BLK: variants seen among roughly 807,000 people sequenced by gnomAD.
BLK encodes the protein tyrosine-protein kinase Blk.
A neutral mutation model predicts 61.8 loss-of-function variants in BLK; 64 were observed. That is an observed-to-expected ratio of 1.03 (90% CI 0.85 to 1.27). The LOEUF (loss-of-function observed/expected upper bound fraction) is 1.27. Among genes scored for constraint, BLK ranks in the 50% most tolerant of loss-of-function variants. The pLI is 0.00. For synonymous variants in BLK, 351 were observed against 272.0 expected (o/e 1.29, Z -2.86); for missense variants, 853 against 660.5 (o/e 1.29, Z -3.19).
chr8:11,535,324 G>GA (rs1554448025), intron 1 of BLK, among the ~76,000 whole-genome samples: 1 of 113,252 alleles, frequency 8.8e-6, no homozygotes, highest in Non-Finnish European at 2.0e-5. Flanking sequence ...AAGAAAGAAA[G>GA]AGAAGGAAAA....
chr8:11,498,381 A>G (rs1435628374), intron 1 of BLK, among the ~76,000 whole-genome samples: 2 of 152,196 alleles, frequency 1.3e-5, no homozygotes, highest in Non-Finnish European at 2.9e-5. Flanking sequence ...GAGCTCCGTG[A>G]ACTTGTAAAC....
Position 11,553,065 on chromosome 8 carries a change from A to G in BLK, c.473-1678A>G, listed in dbSNP as rs993389925. On this transcript the variant is annotated intron_variant, in intron 6 of 12. Coordinates refer to ENST00000259089, the MANE Select transcript of BLK (RefSeq NM_001715.3). ...ACATGTGCACATATGCACAGATGCA[A>G]TGAACACGTGTGCAACACATGTACA... The G allele has an allele frequency of 2.3e-5, 4 of 171,016 alleles. No homozygotes were observed. In the East Asian group the frequency reaches 6.6e-4, roughly 28 times the overall value. 10.6% of individuals were successfully genotyped at this position (171,016 alleles called of 1,614,324 possible).
Position 11,517,776 on chromosome 8 carries a change from A to T in BLK, c.-2+23185A>T, listed in dbSNP as rs1391859708. 2.0e-5 allele frequency among the ~76,000 whole-genome samples: 3 copies of T among 152,222 alleles called. No homozygotes were observed. In the East Asian group the frequency reaches 5.8e-4, roughly 29 times the overall value. ...GCACCTGAGGCAGCACCCATGGTGC[A>T]GCCCTGGTGCTGCAGGCCAAGCTCT... On this transcript the variant is annotated intron_variant, in intron 1 of 12. Coordinates refer to ENST00000259089, the MANE Select transcript of BLK (RefSeq NM_001715.3).
At chr8:11,518,834 G>A (rs151089235) in intron 1 of BLK, among the ~76,000 whole-genome samples, 1 of 152,134 alleles carries the variant, frequency 6.6e-6, no homozygotes, top group Non-Finnish European at 1.5e-5. Flanking sequence ...TCTGCTCTGG[G>A]AATCTGCCAA....
chr8:11,561,799 C>G (rs1801515148), intron 11 of BLK, among the ~76,000 whole-genome samples: 1 of 151,826 alleles, frequency 6.6e-6, no homozygotes. Flanking sequence ...CCTAGTGCCT[C>G]CCAAACTAAT....
At chr8:11,509,613 C>G (rs1019041881) in intron 1 of BLK, 1 of 152,134 alleles carries the variant, frequency 6.6e-6, no homozygotes, top group African/African-American at 2.4e-5. Context: ...TGTGGCGACC[C>G]GGCTGCCTTT....
chr8:11,543,118 C>T lies in BLK; in HGVS notation c.-1-106C>T, dbSNP rs878905888. Reference sequence around the variant, plus strand: ...AGGTCTTTGCTGCACCCACTTCCACCCCACCTTTCTAACCAGCCTCCCGGA... The same window carrying T: ...AGGTCTTTGCTGCACCCACTTCCACTCCACCTTTCTAACCAGCCTCCCGGA... On this transcript the variant is annotated intron_variant, in intron 1 of 12. Coordinates refer to ENST00000259089, the MANE Select transcript of BLK (RefSeq NM_001715.3). 45 of 1,574,066 alleles carry T rather than the reference C, an allele frequency of 2.9e-5. No homozygotes were observed. The African/African-American group carries it at 4.0e-4, about 14-fold the overall frequency.
intron 1 of BLK, among the ~76,000 whole-genome samples, chr8:11,537,847 C>G (rs1800200270): frequency 6.6e-6 from 1 of 152,168 alleles, no homozygotes; most frequent in Admixed American, 6.5e-5. Context: ...TCCACCACAC[C>G]CCTTGTTTGA....
intron 1 of BLK, among the ~76,000 whole-genome samples, chr8:11,534,775 G>A (rs975219904): frequency 1.3e-5 from 2 of 152,166 alleles, no homozygotes; most frequent in African/African-American, 4.8e-5. Flanking sequence ...GGGGCCACAC[G>A]TGCCCAAGGC....
chr8:11,559,585 CTTCTT>C (rs1801392878), intron 10 of BLK, among the ~76,000 whole-genome samples: 1 of 152,120 alleles, frequency 6.6e-6, no homozygotes, highest in Non-Finnish European at 1.5e-5. Context: ...CTTCTGGGCT[CTTCTT>C]TTCTTACTCC....
At chr8:11,523,228 A>G (rs1799521757) in intron 1 of BLK, among the ~76,000 whole-genome samples, 1 of 152,244 alleles carries the variant, frequency 6.6e-6, no homozygotes, top group Admixed American at 6.5e-5. Context: ...CTTTTACTGC[A>G]TAATACATAC....
intron 10 of BLK, chr8:11,560,479 T>A (rs1801459322): frequency 4.0e-6 from 1 of 249,686 alleles, no homozygotes; most frequent in Non-Finnish European, 7.9e-6. Context: ...GAATCAATTC[T>A]AGTGCTGGCT....
chr8:11,532,124 G>A (rs1799910554), intron 1 of BLK, among the ~76,000 whole-genome samples: 1 of 151,748 alleles, frequency 6.6e-6, no homozygotes, highest in South Asian at 2.1e-4. Flanking sequence ...CTCCCAAAGT[G>A]CTGGGATTAC....
chr8:11,543,455 T>G (rs1396312843), intron 2 of BLK, 108 bp downstream of exon 2: 2 of 1,449,910 alleles, frequency 1.4e-6, no homozygotes, highest in Admixed American at 2.0e-5. Context: ...GATAGGGATG[T>G]AACGATCTGC....
At chr8:11,498,312 A>G (rs2618479) in intron 1 of BLK, among the ~76,000 whole-genome samples, 127,138 of 152,082 alleles carry the variant, frequency 0.84, 53,387 homozygotes, top group African/African-American at 0.89. Context: ...TGTGCTTAAT[A>G]GATGAAGTGG....
chr8:11,503,992 C>T (rs1028865237), intron 1 of BLK, among the ~76,000 whole-genome samples: 1 of 152,150 alleles, frequency 6.6e-6, no homozygotes, highest in African/African-American at 2.4e-5. Flanking sequence ...CTAAAGTCTC[C>T]CCAGCCTTTC....
At position 11,564,193 on chromosome 8, in the gene BLK, G is replaced by T; in HGVS notation, c.*85G>T. On this transcript the variant is annotated 3_prime_UTR_variant, in exon 13 of 13. Coordinates refer to ENST00000259089, the MANE Select transcript of BLK (RefSeq NM_001715.3). ...CCATCCCAGACGGGCCGCGAAGGCG[G>T]GGTGTCGCCTGTGCCCTTTTCTCAG... 2.7e-6 allele frequency: 4 copies of T among 1,462,682 alleles called. No individual in the cohort carries two copies. Among genetic ancestry groups the T allele is most frequent in the Non-Finnish European group, 3.7e-6 (4 of 1,082,632 alleles). 90.6% of individuals were successfully genotyped at this position (1,462,682 alleles called of 1,614,324 possible).
chr8:11,495,374 A>T (rs1311215169), intron 1 of BLK, among the ~76,000 whole-genome samples: 1 of 152,160 alleles, frequency 6.6e-6, no homozygotes, highest in African/African-American at 2.4e-5. Flanking sequence ...GTGGGACTTA[A>T]TTCCCCTCAC....
At chr8:11,534,787 C>T (rs922514968) in intron 1 of BLK, among the ~76,000 whole-genome samples, 7 of 152,226 alleles carry the variant, frequency 4.6e-5, no homozygotes, top group African/African-American at 1.7e-4. Context: ...GCCCAAGGCC[C>T]TTACACACCC....
Sources: allele counts gnomAD v4.1 joint callset (sites outside exome capture counted in the v4.1 genomes callset), GRCh38; gene constraint gnomAD v4.1.1; transcripts MANE v1.5; gene names NCBI Gene and HGNC (gene_info 2026-07-23, HGNC 2026-07-21).